Variants in KCNN2 observed in about 807,000 individuals in gnomAD.
KCNN2 encodes the protein small conductance calcium-activated potassium channel protein 2.
Under a neutral mutation model 55.5 loss-of-function variants are expected in KCNN2, and 24 were observed. The ratio of observed to expected loss-of-function variants is 0.43; its 90% CI spans 0.31 to 0.61. KCNN2 has a LOEUF of 0.61. Among genes scored for constraint, KCNN2 ranks in the 20% least tolerant of loss-of-function variants. KCNN2 has a pLI of 0.08. For missense variants in KCNN2, 754 were observed against 853.6 expected (o/e 0.88, Z 1.45); for synonymous variants, 431 against 336.1 (o/e 1.28, Z -3.09).
chr5:114,316,664 T>A (rs1401567291), intron 2 of KCNN2, among the ~76,000 whole-genome samples: 1 of 152,168 alleles, frequency 6.6e-6, no homozygotes, highest in Non-Finnish European at 1.5e-5. Flanking sequence ...GTCCCCAAAA[T>A]AAATGCATAT....
chr5:114,090,674 A>G (rs573748780), intron 1 of KCNN2, among the ~76,000 whole-genome samples: 3 of 152,140 alleles, frequency 2.0e-5, no homozygotes, highest in Non-Finnish European at 4.4e-5. Flanking sequence ...AGAACATTTG[A>G]ATAGAGCTTT....
intron 2 of KCNN2, among the ~76,000 whole-genome samples, chr5:114,373,608 AG>A (rs961367561): frequency 7.6e-6 from 1 of 131,876 alleles, no homozygotes; most frequent in Non-Finnish European, 1.6e-5. Context: ...GGGAATATAG[AG>A]TACCTCTCTC....
chr5:114,305,173 G>C (rs967073969), intron 2 of KCNN2, among the ~76,000 whole-genome samples: 19 of 152,154 alleles, frequency 1.2e-4, no homozygotes, highest in African/African-American at 4.6e-4. Flanking sequence ...AATCGTGTTT[G>C]GTAGGGGCAG....
At chr5:114,065,604 T>C (rs1407989690) in intron 1 of KCNN2, among the ~76,000 whole-genome samples, 2 of 152,196 alleles carry the variant, frequency 1.3e-5, no homozygotes, top group African/African-American at 4.8e-5. Flanking sequence ...TCTTGACTGG[T>C]CTTTTCCCTT....
upstream of KCNN2, among the ~76,000 whole-genome samples, chr5:114,359,951 T>C (rs1372096440): frequency 1.3e-5 from 2 of 152,246 alleles, no homozygotes; most frequent in Non-Finnish European, 2.9e-5. Flanking sequence ...ATTTATGCAG[T>C]ATCTACTCAG....
chr5:114,490,600 A>G (rs1747798952), intron 6 of KCNN2: 4 of 397,292 alleles, frequency 1.0e-5, no homozygotes, highest in African/African-American at 4.1e-5. Context: ...CTTGTGCACA[A>G]CTGAACACCA....
At chr5:114,188,259 G>A (rs1458245801) in intron 1 of KCNN2, among the ~76,000 whole-genome samples, 1 of 152,160 alleles carries the variant, frequency 6.6e-6, no homozygotes, top group African/African-American at 2.4e-5. Flanking sequence ...AACTATTTGG[G>A]CCTCTTGAGG....
intron 2 of KCNN2, among the ~76,000 whole-genome samples, chr5:114,368,127 G>A (rs889409962): frequency 2.6e-5 from 4 of 152,080 alleles, no homozygotes; most frequent in African/African-American, 9.6e-5. Flanking sequence ...GTATTCACTA[G>A]CTGTAAAACC....
chr5:114,430,305 T>C (rs1759751916), intron 3 of KCNN2, among the ~76,000 whole-genome samples: 1 of 152,122 alleles, frequency 6.6e-6, no homozygotes. Context: ...CTCAGTGTTT[T>C]GTAGTGTTCA....
At chr5:114,219,372 CCAAA>C (rs1355471865) in intron 1 of KCNN2, among the ~76,000 whole-genome samples, 1 of 152,084 alleles carries the variant, frequency 6.6e-6, no homozygotes, top group Non-Finnish European at 1.5e-5. Flanking sequence ...ATGAGGTCAC[CCAAA>C]CAAATTGAAG....
chr5:114,351,956 G>A (rs568652290), intron 2 of KCNN2, among the ~76,000 whole-genome samples: 15 of 151,594 alleles, frequency 9.9e-5, no homozygotes, highest in African/African-American at 3.1e-4. Flanking sequence ...AAATGGGTTC[G>A]GAAGTGTTTT....
chr5:114,489,734 G>T (rs573901685), intron 6 of KCNN2, among the ~76,000 whole-genome samples: 1 of 152,266 alleles, frequency 6.6e-6, no homozygotes, highest in African/African-American at 2.4e-5. Context: ...GTTAGGGAGT[G>T]AAGTCATAGG....
chr5:114,431,124 C>T (rs574303754), intron 3 of KCNN2, among the ~76,000 whole-genome samples: 1 of 152,042 alleles, frequency 6.6e-6, no homozygotes, highest in Non-Finnish European at 1.5e-5. Context: ...CTTACCCCCC[C>T]ATCCCGGCTT....
chr5:114,368,255 G>A (rs1169464234), intron 2 of KCNN2, among the ~76,000 whole-genome samples: 1 of 152,136 alleles, frequency 6.6e-6, no homozygotes, highest in Admixed American at 6.5e-5. Context: ...GTTACCAAGG[G>A]ACAACTGTAA....
At chr5:114,480,090 T>A (rs962699841) in intron 5 of KCNN2, among the ~76,000 whole-genome samples, 4 of 151,710 alleles carry the variant, frequency 2.6e-5, no homozygotes, top group African/African-American at 9.7e-5. Context: ...GCTGGTTCTT[T>A]GAAAAAATTA....
intron 2 of KCNN2, among the ~76,000 whole-genome samples, chr5:114,394,087 T>C (rs1225239869): frequency 1.3e-5 from 2 of 152,168 alleles, no homozygotes. Flanking sequence ...GATAAATTGC[T>C]CTCCTCCGAT....
intron 2 of KCNN2, among the ~76,000 whole-genome samples, chr5:114,276,518 T>G (rs2150010760): frequency 6.6e-6 from 1 of 152,302 alleles, no homozygotes; most frequent in East Asian, 1.9e-4. Context: ...TGCTCCTGTA[T>G]TGGGTGCATA....
intron 2 of KCNN2, among the ~76,000 whole-genome samples, chr5:114,324,667 T>C (rs1323157330): frequency 6.6e-6 from 1 of 152,238 alleles, no homozygotes; most frequent in East Asian, 1.9e-4. Context: ...AAGTTTGTGA[T>C]AATTTGTTAC....
intron 2 of KCNN2, among the ~76,000 whole-genome samples, chr5:114,329,465 T>C (rs1166567339): frequency 3.3e-5 from 5 of 152,202 alleles, no homozygotes; most frequent in African/African-American, 4.8e-5. Flanking sequence ...CTTTCTCCCA[T>C]GCTGGTTGCT....
Sources: gnomAD v4.1 joint callset for allele counts (sites outside exome capture counted in the v4.1 genomes callset) on GRCh38, gnomAD v4.1.1 for gene constraint, MANE v1.5 for transcripts, NCBI Gene and HGNC (gene_info 2026-07-23, HGNC 2026-07-21) for gene names.